TJP2: variants seen among roughly 807,000 people sequenced by gnomAD.
TJP2 encodes the protein tight junction protein 2.
TJP2 carries 91 observed loss-of-function variants against 133.1 expected under a neutral mutation model. The observed-to-expected ratio is 0.68, with a 90% CI of 0.58 to 0.81. The LOEUF is 0.81. TJP2 is among the 40% of genes least tolerant of loss of function. TJP2 has a pLI of 0.00. For synonymous variants in TJP2, 592 were observed against 583.4 expected (o/e 1.01, Z -0.21); for missense variants, 1,541 against 1,565.6 (o/e 0.98, Z 0.26).
In TJP2 at chr9:69,209,490, A is replaced by G. The variant is rs1418358895; in HGVS notation, c.61-3058A>G. 4.6e-5 allele frequency among the ~76,000 whole-genome samples: 7 copies of G among 151,916 alleles called. No individual in the cohort carries two copies. The East Asian group carries it at 1.4e-3, about 30-fold the overall frequency. ...ACTTTTTGGCCGGGCGTAGTGGCTC[A>G]CACCTGTAATCCCAGCGCTTTGGGA... On this transcript the variant is annotated intron_variant, in intron 1 of 22. Coordinates refer to ENST00000377245, the MANE Select transcript of TJP2 (RefSeq NM_004817.4).
chr9:69,163,829 G>C (rs1278862630), intron 2 of TJP2, among the ~76,000 whole-genome samples: 4 of 152,056 alleles, frequency 2.6e-5, no homozygotes, highest in Non-Finnish European at 5.9e-5. Context: ...CTTCAAAATT[G>C]TAATCTTTCT....
chr9:69,152,610 A>C (rs1033420774), intron 2 of TJP2, among the ~76,000 whole-genome samples: 1 of 152,100 alleles, frequency 6.6e-6, no homozygotes, highest in Admixed American at 6.5e-5. Context: ...AATGCTTCTG[A>C]GCCTCAGATC....
intron 1 of TJP2, among the ~76,000 whole-genome samples, chr9:69,137,608 C>T (rs552802067): frequency 1.2e-4 from 19 of 152,112 alleles, no homozygotes; most frequent in African/African-American, 4.6e-4. Context: ...AAGTGATCTG[C>T]CCGCTTCGGC....
At chr9:69,178,152 A>C (rs1211349122) in intron 1 of TJP2, among the ~76,000 whole-genome samples, 1 of 152,026 alleles carries the variant, frequency 6.6e-6, no homozygotes, top group Non-Finnish European at 1.5e-5. Flanking sequence ...ATACCCCCAA[A>C]ATACCTAATC....
intron 17 of TJP2, among the ~76,000 whole-genome samples, chr9:69,244,184 G>GAAAAAAA (rs35047206): frequency 3.4e-5 from 2 of 58,338 alleles, no homozygotes; most frequent in African/African-American, 6.5e-5. Context: ...CCTGTCTCAG[G>GAAAAAAA]AAAAAAAAAA....
chr9:69,239,006 G>A (rs978522943), intron 16 of TJP2, among the ~76,000 whole-genome samples: 2 of 152,032 alleles, frequency 1.3e-5, no homozygotes, highest in Admixed American at 6.6e-5. Context: ...TGGCCAACAT[G>A]GTGAAACCCT....
chr9:69,159,828 G>A (rs961945191), intron 2 of TJP2, among the ~76,000 whole-genome samples: 1 of 148,808 alleles, frequency 6.7e-6, no homozygotes, highest in African/African-American at 2.5e-5. Context: ...GTGAGCCACT[G>A]CACTCCAGCT....
intron 22 of TJP2, chr9:69,253,110 A>T: frequency 1.7e-6 from 1 of 596,908 alleles, no homozygotes; most frequent in Non-Finnish European, 3.0e-6. Flanking sequence ...TAAAACTCTG[A>T]CAAAGTGTAA....
chr9:69,187,791 A>T (rs1363975307), intron 1 of TJP2, among the ~76,000 whole-genome samples: 1 of 152,162 alleles, frequency 6.6e-6, no homozygotes, highest in East Asian at 1.9e-4. Context: ...GGTAGGCATG[A>T]TGTAGAGTAG....
chr9:69,238,432 A>T (rs531227914), intron 15 of TJP2, among the ~76,000 whole-genome samples: 17 of 152,174 alleles, frequency 1.1e-4, no homozygotes, highest in South Asian at 6.2e-4. Context: ...TGTGATTTTT[A>T]TGTCTTTCCA....
In TJP2 at chr9:69,174,432, C is replaced by T. The variant is rs1162258725; in HGVS notation, c.60C>T (p.Arg20=). 2.6e-6 allele frequency: 4 copies of T among 1,551,140 alleles called. No individual in the cohort carries two copies. The highest frequency in any genetic ancestry group is 2.6e-6 in the Non-Finnish European group (3 of 1,146,954). ...PPRRELSGWL[R]APGMEELIWE... ...GGCGGGAGCTGTCAGGTTGGCTCCG[C>T]GTAAGTGCCTCCTTGTGCCGCGCGG... Residue 20 remains arginine, a splice_region_variant and synonymous_variant, in exon 1 of 23, where the codon CGC becomes CGT. Coordinates refer to ENST00000377245, the MANE Select transcript of TJP2 (RefSeq NM_004817.4).
At chr9:69,176,428 G>T (rs1280219694) in intron 1 of TJP2, among the ~76,000 whole-genome samples, 1 of 152,186 alleles carries the variant, frequency 6.6e-6, no homozygotes, top group Admixed American at 6.5e-5. Context: ...GTGCCAGGTA[G>T]GTGTCCAGGA....
intron 1 of TJP2, among the ~76,000 whole-genome samples, chr9:69,147,056 A>G (rs980469223): frequency 9.9e-5 from 15 of 152,188 alleles, no homozygotes; most frequent in Admixed American, 4.6e-4. Flanking sequence ...AAGTGTGTAT[A>G]TGCGTGGAGA....
intron 2 of TJP2, among the ~76,000 whole-genome samples, chr9:69,215,535 C>T (rs2309427): frequency 0.41 from 62,736 of 151,650 alleles, 13,540 homozygotes; most frequent in African/African-American, 0.52. Flanking sequence ...TGGATGTGCA[C>T]CACCATGACC....
Position 69,254,605 on chromosome 9 carries a change from A to C in TJP2, c.*231A>C. On this transcript the variant is annotated 3_prime_UTR_variant, in exon 23 of 23. Coordinates refer to ENST00000377245, the MANE Select transcript of TJP2 (RefSeq NM_004817.4). ...GTCTGTGGCTTTTTGTTCAGAATTA[A>C]GCAGAACACTGCAGTCAGATCCTGT... The C allele has an allele frequency of 1.6e-6, 1 of 618,128 alleles. No individual in the cohort carries two copies. The highest frequency in any genetic ancestry group is 1.9e-5 in the South Asian group (1 of 52,738). The allele number at this position is 618,128 out of a possible 1,614,324, so 38.3% of individuals were successfully genotyped here.
At chr9:69,196,293 C>T (rs1387159081) in intron 1 of TJP2, among the ~76,000 whole-genome samples, 1 of 152,180 alleles carries the variant, frequency 6.6e-6, no homozygotes, top group Non-Finnish European at 1.5e-5. Context: ...ACTTGTATGA[C>T]CTCAATCAAC....
At chr9:69,167,039 C>T (rs2132884832) in intron 2 of TJP2, among the ~76,000 whole-genome samples, 1 of 151,998 alleles carries the variant, frequency 6.6e-6, no homozygotes, top group South Asian at 2.1e-4. Context: ...TCAAAACCAG[C>T]CTGGCCAACA....
intron 6 of TJP2, among the ~76,000 whole-genome samples, chr9:69,225,814 A>G (rs1307612111): frequency 6.6e-6 from 1 of 152,252 alleles, no homozygotes; most frequent in East Asian, 1.9e-4. Context: ...TAAATAAATT[A>G]GCAGAGTAAC....
At chr9:69,197,588 G>T (rs1209460113) in intron 1 of TJP2, among the ~76,000 whole-genome samples, 1 of 152,120 alleles carries the variant, frequency 6.6e-6, no homozygotes, top group Non-Finnish European at 1.5e-5. Context: ...GGAGTGGTCA[G>T]CTTATTTGCT....
Sources: gnomAD v4.1 joint callset for allele counts (sites outside exome capture counted in the v4.1 genomes callset) on GRCh38, gnomAD v4.1.1 for gene constraint, MANE v1.5 for transcripts, NCBI Gene and HGNC (gene_info 2026-07-23, HGNC 2026-07-21) for gene names.